The following SLC16A12 variants were observed in gnomAD, a reference collection of about 807,000 sequenced individuals.
SLC16A12 encodes the protein solute carrier family 16 member 12, also known as monocarboxylate transporter 12.
Under a neutral mutation model 42.4 loss-of-function variants are expected in SLC16A12, and 17 were observed. The ratio of observed to expected loss-of-function variants is 0.40; its 90% CI spans 0.27 to 0.60. SLC16A12 has a LOEUF of 0.60. Ranked by LOEUF, SLC16A12 falls within the 20% of genes least tolerant of loss-of-function variation. The pLI is 0.42. For synonymous variants in SLC16A12, 224 were observed against 229.4 expected (o/e 0.98, Z 0.21); for missense variants, 544 against 623.0 (o/e 0.87, Z 1.35).
Position 89,508,524 on chromosome 10 carries a change from A to G in SLC16A12, c.-47+25977T>C, listed in dbSNP as rs187012392. Among the ~76,000 whole-genome samples the G allele has an allele frequency of 2.1e-3, 320 of 152,334 alleles. 1 individual carries two copies. The highest frequency in any genetic ancestry group is 7.4e-3 in the African/African-American group (306 of 41,588). On this transcript the variant is annotated intron_variant, in intron 2 of 7. Transcript: ENST00000371790. ...GGCAGAAATAAAGATGTTCTTTGAA[A>G]CCAATGAGAAAAAAGACACAACATA...
chr10:89,435,624 G>A (rs936110804), intron 7 of SLC16A12, among the ~76,000 whole-genome samples: 4 of 152,076 alleles, frequency 2.6e-5, no homozygotes, highest in Admixed American at 2.0e-4. Flanking sequence ...GAAGAATAGA[G>A]CCCAGTTCCT....
chr10:89,508,314 C>T (rs555242131), intron 2 of SLC16A12, among the ~76,000 whole-genome samples: 1 of 152,218 alleles, frequency 6.6e-6, no homozygotes, highest in South Asian at 2.1e-4. Context: ...CAAAATTGAC[C>T]ACATAGTTGG....
chr10:89,456,453 T>C (rs1036967047), intron 3 of SLC16A12, among the ~76,000 whole-genome samples: 1 of 152,176 alleles, frequency 6.6e-6, no homozygotes, highest in Non-Finnish European at 1.5e-5. Flanking sequence ...TTTTTAAGTA[T>C]CAACCCAACT....
intron 2 of SLC16A12, among the ~76,000 whole-genome samples, chr10:89,519,632 A>G (rs1196136489): frequency 6.6e-6 from 1 of 151,970 alleles, no homozygotes; most frequent in Non-Finnish European, 1.5e-5. Flanking sequence ...CTTCCCCCCG[A>G]GACTTTATGA....
rs75368718 is a variant in SLC16A12 at position 89,452,771 on chromosome 10, G to C, written c.201-8912C>G. Among the ~76,000 whole-genome samples the C allele has an allele frequency of 2.9e-3, 440 of 152,340 alleles. 1 individual carries two copies. The highest frequency in any genetic ancestry group is 0.029 in the South Asian group (138 of 4,824). On this transcript the variant is annotated intron_variant, in intron 3 of 7. Coordinates refer to ENST00000371790, the MANE Select transcript of SLC16A12 (RefSeq NM_213606.4). ...AGGAAAGGGAAGGATGCAGGATTAG[G>C]CAGAGAGGTCGAACTGCAATGCAGG...
intron 2 of SLC16A12, among the ~76,000 whole-genome samples, chr10:89,527,048 T>C (rs76565141): frequency 0.064 from 9,792 of 152,320 alleles, 402 homozygotes; most frequent in South Asian, 0.1. Flanking sequence ...CCAAAATCCA[T>C]TAAGATTTTT....
chr10:89,528,600 T>C (rs950158274), intron 2 of SLC16A12, among the ~76,000 whole-genome samples: 8 of 152,170 alleles, frequency 5.3e-5, no homozygotes, highest in African/African-American at 1.7e-4. Context: ...GGGCCCTCTA[T>C]AGAGAAAATG....
At chr10:89,549,344 T>C (rs912707449) in intron 2 of SLC16A12, among the ~76,000 whole-genome samples, 2 of 152,228 alleles carry the variant, frequency 1.3e-5, no homozygotes, top group East Asian at 1.9e-4. Context: ...ACCAATTATA[T>C]ATACAGTGCA....
intron 2 of SLC16A12, among the ~76,000 whole-genome samples, chr10:89,474,620 A>G (rs946929732): frequency 2.6e-5 from 4 of 151,880 alleles, no homozygotes; most frequent in Non-Finnish European, 5.9e-5. Context: ...TTCTCTCTAA[A>G]CAGCGCACAC....
At chr10:89,522,280 C>T (rs867660308) in intron 2 of SLC16A12, among the ~76,000 whole-genome samples, 12 of 152,226 alleles carry the variant, frequency 7.9e-5, no homozygotes, top group Middle Eastern at 6.3e-3. Context: ...TCTTATTGCA[C>T]CTGGTTTTCA....
chr10:89,509,568 C>T (rs1259980149), intron 2 of SLC16A12, among the ~76,000 whole-genome samples: 4 of 152,130 alleles, frequency 2.6e-5, no homozygotes, highest in Non-Finnish European at 5.9e-5. Context: ...TCTCAATAAA[C>T]TAGGTATTGA....
At chr10:89,515,480 T>G (rs888192455) in intron 2 of SLC16A12, among the ~76,000 whole-genome samples, 11 of 152,320 alleles carry the variant, frequency 7.2e-5, no homozygotes, top group African/African-American at 2.6e-4. Context: ...GCTTTTTTTC[T>G]GTCAACAACG....
At chr10:89,532,801 A>T (rs997807485) in intron 2 of SLC16A12, among the ~76,000 whole-genome samples, 1 of 152,252 alleles carries the variant, frequency 6.6e-6, no homozygotes, top group African/African-American at 2.4e-5. Context: ...TTAAAACTGG[A>T]ATGTCTAATA....
intron 2 of SLC16A12, among the ~76,000 whole-genome samples, chr10:89,533,482 T>G (rs1843592343): frequency 6.6e-6 from 1 of 152,246 alleles, no homozygotes; most frequent in South Asian, 2.1e-4. Context: ...TAAGTCACTT[T>G]GAAACTCCTT....
At chr10:89,448,930 T>A (rs1479218938) in intron 3 of SLC16A12, among the ~76,000 whole-genome samples, 1 of 152,176 alleles carries the variant, frequency 6.6e-6, no homozygotes, top group Non-Finnish European at 1.5e-5. Flanking sequence ...AAAATCAATG[T>A]GCAAAAATCA....
chr10:89,444,063 T>C (rs1841959247), intron 3 of SLC16A12, among the ~76,000 whole-genome samples: 1 of 152,182 alleles, frequency 6.6e-6, no homozygotes, highest in African/African-American at 2.4e-5. Context: ...CAGGGGCTAC[T>C]AAAGCCAAGT....
At chr10:89,486,219 T>G (rs1166758881) in intron 2 of SLC16A12, among the ~76,000 whole-genome samples, 1 of 152,076 alleles carries the variant, frequency 6.6e-6, no homozygotes, top group Non-Finnish European at 1.5e-5. Flanking sequence ...GTACTGAGGA[T>G]GATCTAGGTT....
intron 2 of SLC16A12, among the ~76,000 whole-genome samples, chr10:89,554,524 T>G (rs916631397): frequency 2.6e-5 from 4 of 152,258 alleles, no homozygotes; most frequent in Non-Finnish European, 5.9e-5. Context: ...CAATTTGGGT[T>G]GAACAGGTTT....
intron 2 of SLC16A12, among the ~76,000 whole-genome samples, chr10:89,511,500 T>A (rs1843161455): frequency 6.6e-6 from 1 of 152,176 alleles, no homozygotes; most frequent in African/African-American, 2.4e-5. Flanking sequence ...AAATGCTGCA[T>A]GTTCTCACTC....
Sources: allele counts gnomAD v4.1 joint callset (sites outside exome capture counted in the v4.1 genomes callset), GRCh38; gene constraint gnomAD v4.1.1; transcripts MANE v1.5; gene names NCBI Gene and HGNC (gene_info 2026-07-23, HGNC 2026-07-21).